NFIC: variants seen among roughly 807,000 people sequenced by gnomAD.
NFIC encodes nuclear factor 1 C-type.
NFIC carries 12 observed loss-of-function variants against 54.4 expected under a neutral mutation model. The ratio of observed to expected loss-of-function variants is 0.22; its 90% confidence interval spans 0.14 to 0.36. The LOEUF (loss-of-function observed/expected upper bound fraction) is 0.36. Among genes scored for constraint, NFIC ranks in the 10% least tolerant of loss-of-function variants. The pLI is 1.00. For synonymous variants in NFIC, 322 were observed against 319.2 expected (o/e 1.01, Z -0.09); for missense variants, 575 against 718.2 (o/e 0.80, Z 2.28).
chr19:3,419,400 G>A (rs2081917833), intron 2 of NFIC, among the ~76,000 whole-genome samples: 1 of 151,974 alleles, frequency 6.6e-6, no homozygotes, highest in African/African-American at 2.4e-5. Flanking sequence ...CTGGAGCCCA[G>A]GAGGTCCAGG....
At chr19:3,372,007 CT>C (rs1403903870) in intron 1 of NFIC, among the ~76,000 whole-genome samples, 6 of 86,746 alleles carry the variant, frequency 6.9e-5, no homozygotes, top group African/African-American at 3.3e-4. Context: ...CCCTCTCTCT[CT>C]CTCTCTCTCT....
At chr19:3,417,656 C>T (rs1363980892) in intron 2 of NFIC, among the ~76,000 whole-genome samples, 1 of 137,984 alleles carries the variant, frequency 7.2e-6, no homozygotes, top group Non-Finnish European at 1.5e-5. Context: ...GATGGAGTCT[C>T]GCTCTGTCGC....
At chr19:3,406,637 G>A (rs150600068) in intron 2 of NFIC, among the ~76,000 whole-genome samples, 3 of 152,282 alleles carry the variant, frequency 2.0e-5, no homozygotes, top group African/African-American at 7.2e-5. Context: ...TTCTCCTGAG[G>A]CTGGGGTTGG....
intron 6 of NFIC, among the ~76,000 whole-genome samples, chr19:3,446,378 T>G (rs973933567): frequency 6.6e-6 from 1 of 151,012 alleles, no homozygotes; most frequent in African/African-American, 2.4e-5. Context: ...CATCTGTGGT[T>G]GTTACAACCG....
At position 3,417,120 on chromosome 19, in the gene NFIC, C is replaced by A. The variant is rs559406021; in HGVS notation, c.563-7986C>A. Among the ~76,000 whole-genome samples, 9 of 149,480 alleles carry A rather than the reference C, an allele frequency of 6.0e-5. No homozygotes were observed. In the East Asian group the frequency reaches 1.8e-3, roughly 31 times the overall value. ...CAGGATGGTCTCGATCTCCTGACCT[C>A]GTGATCCGCCCGCCTTGGCCTCCCA... On this transcript the variant is annotated intron_variant, in intron 2 of 10. Transcript: ENST00000443272.
At chr19:3,381,272 G>A (rs2081201769) in intron 1 of NFIC, among the ~76,000 whole-genome samples, 1 of 151,954 alleles carries the variant, frequency 6.6e-6, no homozygotes, top group Non-Finnish European at 1.5e-5. Context: ...GTGGGCATCT[G>A]TAATCCTAGC....
chr19:3,381,581 C>T (rs747755852), intron 1 of NFIC, 131 bp from the exon 2 acceptor site: 25 of 1,355,362 alleles, frequency 1.8e-5, no homozygotes, highest in Non-Finnish European at 2.3e-5. Context: ...GACCCCCTGC[C>T]CACCTCTGCC....
chr19:3,464,485 G>A lies in NFIC; in HGVS notation c.*1716G>A. On this transcript the variant is annotated 3_prime_UTR_variant, in exon 11 of 11. Transcript: ENST00000443272. ...GGAGGCCTGGGAGGGGGTGTTAGGT[G>A]TTTTAGGGCCACCGAGCTCAAACAC... is the stretch of plus-strand genomic sequence containing the variant. 1.0e-6 allele frequency: 1 copy of A among 980,390 alleles called. No individual in the cohort carries two copies. The highest frequency in any genetic ancestry group is 1.2e-6 in the Non-Finnish European group (1 of 827,678). 60.7% of individuals were successfully genotyped at this position (980,390 alleles called of 1,614,324 possible).
chr19:3,436,836 A>C (rs1178390898), intron 6 of NFIC, among the ~76,000 whole-genome samples: 2 of 152,114 alleles, frequency 1.3e-5, no homozygotes, highest in African/African-American at 4.8e-5. Context: ...CAGGCATTGG[A>C]GAGACCTGGG....
chr19:3,429,293 C>CACACACACACACACACACAT (rs1244819392), intron 3 of NFIC, among the ~76,000 whole-genome samples: 2 of 133,634 alleles, frequency 1.5e-5, no homozygotes, highest in Non-Finnish European at 3.1e-5. Context: ...CACACACACA[C>CACACACACACACACACACAT]ACTAGCCAAA....
chr19:3,435,053 A>G, intron 5 of NFIC, 30 bp from the exon 6 acceptor site: 3 of 1,550,836 alleles, frequency 1.9e-6, no homozygotes, highest in Non-Finnish European at 2.6e-6. Flanking sequence ...CTCCCTGGTA[A>G]CCAGCCTCTC....
rs1486442004 is a variant in NFIC at position 3,468,387 on chromosome 19, C to G, written c.*5618C>G. ...GGGGACACAGGCTGCCCCGGCCCCTCAACTGCATCCACACCCCATCCTCTC... is the reference window on the plus strand; with the variant it reads ...GGGGACACAGGCTGCCCCGGCCCCTGAACTGCATCCACACCCCATCCTCTC... On this transcript the variant is annotated 3_prime_UTR_variant, in exon 11 of 11. Coordinates refer to ENST00000443272, the MANE Select transcript of NFIC (RefSeq NM_001245002.2). The G allele has an allele frequency of 2.0e-5, 3 of 152,240 alleles. No homozygotes were observed. Among genetic ancestry groups the G allele is most frequent in the African/African-American group, 7.2e-5 (3 of 41,426 alleles). The allele number at this position is 152,240 out of a possible 1,614,324, so 9.4% of individuals were successfully genotyped here. A position where few individuals can be genotyped will look rare whatever the true frequency, so the allele number is the denominator to read the frequency against.
At position 3,395,156 on chromosome 19, in the gene NFIC, C is replaced by G. The variant is rs184848580; in HGVS notation, c.562+12913C>G. On this transcript the variant is annotated intron_variant, in intron 2 of 10. Coordinates refer to ENST00000443272, the MANE Select transcript of NFIC (RefSeq NM_001245002.2). ...GGCGGATCTCCCGAGGTCAGGAGTTCGAGACCAGCCTGGCCAACGTGGTGA... is the reference window on the plus strand; with the variant it reads ...GGCGGATCTCCCGAGGTCAGGAGTTGGAGACCAGCCTGGCCAACGTGGTGA... Among the ~76,000 whole-genome samples, 95 of 152,148 alleles carry G rather than the reference C, an allele frequency of 6.2e-4. 1 individual carries two copies. The highest frequency in any genetic ancestry group is 5.6e-3 in the Admixed American group (86 of 15,268).
Position 3,422,239 on chromosome 19 carries a change from T to C in NFIC, c.563-2867T>C, listed in dbSNP as rs1041949798. 4.6e-5 allele frequency among the ~76,000 whole-genome samples: 7 copies of C among 151,352 alleles called. No homozygotes were observed. The East Asian group carries it at 1.4e-3, about 30-fold the overall frequency. On this transcript the variant is annotated intron_variant, in intron 2 of 10. Transcript: ENST00000443272. ...GGAGTGAGCCACTGCACCTGGACTG[T>C]TTTTTTGTATTTTTTGTAAAAACGG...
chr19:3,452,405 C>A lies in NFIC; in HGVS notation c.1085-77C>A. 6.4e-7 allele frequency: 1 copy of A among 1,552,662 alleles called. No individual in the cohort carries two copies. The highest frequency in any genetic ancestry group is 8.8e-7 in the Non-Finnish European group (1 of 1,141,758). ...GAGATGCCGGCAGGAATGACACCCA[C>A]AGACACACAGTCACACGGTCACAGA... On this transcript the variant is annotated intron_variant, in intron 7 of 10. Coordinates refer to ENST00000443272, the MANE Select transcript of NFIC (RefSeq NM_001245002.2). The surrounding 1 kb of genome is among the most constrained non-coding windows in gnomAD (Gnocchi z 5.3).
At chr19:3,439,305 T>G (rs1252051030) in intron 6 of NFIC, among the ~76,000 whole-genome samples, 1 of 108,204 alleles carries the variant, frequency 9.2e-6, no homozygotes, top group African/African-American at 3.6e-5. Flanking sequence ...CTGCACTCCA[T>G]CCGGGGCAAC....
intron 1 of NFIC, among the ~76,000 whole-genome samples, chr19:3,380,309 C>CT (rs529220524): frequency 0.028 from 1,851 of 65,092 alleles, 236 homozygotes; most frequent in African/African-American, 0.074. Context: ...CAGCCTTGTT[C>CT]TTTTTTTTTT....
intron 4 of NFIC, among the ~76,000 whole-genome samples, chr19:3,434,034 C>T (rs770517662): frequency 3.3e-5 from 5 of 152,214 alleles, no homozygotes; most frequent in Admixed American, 2.6e-4. Flanking sequence ...CTGTCCAGAT[C>T]AGCAGAGCCT....
intron 2 of NFIC, among the ~76,000 whole-genome samples, chr19:3,404,948 C>T (rs1181417104): frequency 6.6e-6 from 1 of 152,196 alleles, no homozygotes; most frequent in Non-Finnish European, 1.5e-5. Flanking sequence ...ACTGGGCCTC[C>T]AGTCCCAACA....
Sources: gnomAD v4.1 joint callset for allele counts (sites outside exome capture counted in the v4.1 genomes callset) on GRCh38, gnomAD v4.1.1 for gene constraint, Gnocchi (gnomAD v3.1) non-coding constraint, MANE v1.5 for transcripts, NCBI Gene and HGNC (gene_info 2026-07-23, HGNC 2026-07-21) for gene names.